The following ZSWIM6 variants were observed in gnomAD, a reference collection of about 807,000 sequenced individuals.
ZSWIM6 encodes the protein zinc finger SWIM domain-containing protein 6.
Under a neutral mutation model 113.2 loss-of-function variants are expected in ZSWIM6, and 9 were observed. That is an observed-to-expected ratio of 0.08 (90% CI 0.05 to 0.14). The LOEUF (loss-of-function observed/expected upper bound fraction) is 0.14, where lower values mean the gene tolerates loss of function less well. Ranked by LOEUF, ZSWIM6 falls within the 10% of genes least tolerant of loss-of-function variation. ZSWIM6 has a pLI of 1.00. For missense variants in ZSWIM6, 1,162 were observed against 1,552.2 expected (o/e 0.75, Z 4.22); for synonymous variants, 611 against 606.5 (o/e 1.01, Z -0.11).
intron 4 of ZSWIM6, among the ~76,000 whole-genome samples, chr5:61,500,579 A>G (rs1020005658): frequency 6.6e-6 from 1 of 152,078 alleles, no homozygotes; most frequent in Non-Finnish European, 1.5e-5. Context: ...AATCCTGACT[A>G]CCATAGTCCG....
At position 61,544,448 on chromosome 5, in the gene ZSWIM6, C is replaced by T. The variant is rs572378727; in HGVS notation, c.*131C>T. ...GTATTATATGTGTATAGTTATATTG[C>T]GTTTGCAGACTAAATTGTCATGTTG... On this transcript the variant is annotated 3_prime_UTR_variant, in exon 14 of 14. Coordinates refer to ENST00000252744, the MANE Select transcript of ZSWIM6 (RefSeq NM_020928.2). 3.2e-5 allele frequency: 15 copies of T among 462,550 alleles called. No homozygotes were observed. The highest frequency in any genetic ancestry group is 2.0e-4 in the South Asian group (3 of 15,348). 28.7% of individuals were successfully genotyped at this position (462,550 alleles called of 1,614,324 possible).
chr5:61,360,652 T>A (rs1417857200), intron 1 of ZSWIM6, among the ~76,000 whole-genome samples: 2 of 152,246 alleles, frequency 1.3e-5, no homozygotes, highest in East Asian at 1.9e-4. Context: ...TTTACTTATC[T>A]AGCACTTATT....
At chr5:61,494,154 A>C in intron 3 of ZSWIM6, 106 bp from the exon 4 acceptor site, 2 of 1,231,326 alleles carry the variant, frequency 1.6e-6, no homozygotes, top group Non-Finnish European at 2.3e-6. Context: ...ACGGAGAGAG[A>C]GAGAGAGAAA....
At chr5:61,398,492 A>G (rs1273885639) in intron 1 of ZSWIM6, among the ~76,000 whole-genome samples, 1 of 152,176 alleles carries the variant, frequency 6.6e-6, no homozygotes, top group African/African-American at 2.4e-5. Context: ...TCCTTGAGCA[A>G]CTAGCCAGGC....
rs533024397 is a variant in ZSWIM6, at chr5:61,516,925, T to C, written c.1334-4338T>C. On this transcript the variant is annotated intron_variant, in intron 4 of 13. Coordinates refer to ENST00000252744, the MANE Select transcript of ZSWIM6 (RefSeq NM_020928.2). ...TCCTGAATGATATTTTTGCTGGATA[T>C]AGAATTCTCATTGACATTTCAGTTT... Among the ~76,000 whole-genome samples the C allele has an allele frequency of 7.9e-5, 12 of 152,266 alleles. No individual in the cohort carries two copies. The South Asian group carries it at 2.3e-3, about 29-fold the overall frequency.
chr5:61,409,092 TTTC>T (rs758799953), intron 1 of ZSWIM6, among the ~76,000 whole-genome samples: 82 of 127,214 alleles, frequency 6.4e-4, no homozygotes, highest in African/African-American at 1.9e-3. Context: ...TTTTTTTTTT[TTTC>T]CCGTTTTTGA....
intron 1 of ZSWIM6, among the ~76,000 whole-genome samples, chr5:61,467,333 G>T (rs1366584431): frequency 6.6e-6 from 1 of 152,138 alleles, no homozygotes; most frequent in Admixed American, 6.5e-5. Context: ...TGAACAGGGT[G>T]ACATTGTTTT....
intron 11 of ZSWIM6, 138 bp downstream of exon 11, chr5:61,539,109 G>T: frequency 1.0e-6 from 1 of 997,034 alleles, no homozygotes; most frequent in Non-Finnish European, 1.4e-6. Context: ...TTAGATGTTA[G>T]CTTTTAAGGC....
At chr5:61,337,211 A>AG (rs1310723072) in intron 1 of ZSWIM6, among the ~76,000 whole-genome samples, 2 of 152,256 alleles carry the variant, frequency 1.3e-5, no homozygotes, top group African/African-American at 4.8e-5. Context: ...CCCGGGAAGC[A>AG]GATGTTACAG....
intron 1 of ZSWIM6, among the ~76,000 whole-genome samples, chr5:61,366,190 C>T (rs1212674662): frequency 6.6e-6 from 1 of 152,184 alleles, no homozygotes; most frequent in Non-Finnish European, 1.5e-5. Context: ...ACCACCACAC[C>T]CAGCCTAAGT....
At chr5:61,481,702 A>G (rs370004383) in intron 2 of ZSWIM6, among the ~76,000 whole-genome samples, 2 of 151,970 alleles carry the variant, frequency 1.3e-5, no homozygotes, top group East Asian at 3.9e-4. Flanking sequence ...AAAGACTTAG[A>G]TAGTGGTCCT....
At chr5:61,484,358 G>A (rs903883018) in intron 2 of ZSWIM6, among the ~76,000 whole-genome samples, 2 of 152,126 alleles carry the variant, frequency 1.3e-5, no homozygotes, top group East Asian at 1.9e-4. Context: ...GATGTTTTTC[G>A]AGATGGAAGA....
At chr5:61,418,681 A>C (rs890329622) in intron 1 of ZSWIM6, among the ~76,000 whole-genome samples, 1 of 152,202 alleles carries the variant, frequency 6.6e-6, no homozygotes, top group Non-Finnish European at 1.5e-5. Flanking sequence ...TGGATGTGGT[A>C]CTTTAAGGAC....
At chr5:61,460,432 C>A (rs1359197311) in intron 1 of ZSWIM6, among the ~76,000 whole-genome samples, 2 of 152,128 alleles carry the variant, frequency 1.3e-5, no homozygotes, top group Admixed American at 1.3e-4. Flanking sequence ...GCTTTTGAAT[C>A]TTCAAAAGGT....
chr5:61,507,830 G>A (rs1249027487), intron 4 of ZSWIM6, among the ~76,000 whole-genome samples: 1 of 152,062 alleles, frequency 6.6e-6, no homozygotes, highest in African/African-American at 2.4e-5. Flanking sequence ...TACATTATAT[G>A]CTGAAATATG....
chr5:61,406,993 G>A (rs989434691), intron 1 of ZSWIM6, among the ~76,000 whole-genome samples: 5 of 152,170 alleles, frequency 3.3e-5, no homozygotes, highest in South Asian at 2.1e-4. Context: ...GATTACAGGC[G>A]TGAGCCATTG....
At chr5:61,346,848 A>G (rs1744669103) in intron 1 of ZSWIM6, among the ~76,000 whole-genome samples, 2 of 152,228 alleles carry the variant, frequency 1.3e-5, no homozygotes, top group South Asian at 4.1e-4. Flanking sequence ...TTTTGCTTTC[A>G]ATAATGACTA....
chr5:61,466,520 A>G (rs1747439081), intron 1 of ZSWIM6, among the ~76,000 whole-genome samples: 1 of 152,186 alleles, frequency 6.6e-6, no homozygotes, highest in Non-Finnish European at 1.5e-5. Context: ...CTTCTGTTAA[A>G]TTCTTTTTCA....
At chr5:61,372,423 T>G (rs1269907812) in intron 1 of ZSWIM6, among the ~76,000 whole-genome samples, 1 of 152,182 alleles carries the variant, frequency 6.6e-6, no homozygotes, top group Non-Finnish European at 1.5e-5. Context: ...GTTGCTAAAT[T>G]CAGTGGGCTC....
Sources: allele counts gnomAD v4.1 joint callset (sites outside exome capture counted in the v4.1 genomes callset), GRCh38; gene constraint gnomAD v4.1.1; transcripts MANE v1.5; gene names NCBI Gene and HGNC (gene_info 2026-07-23, HGNC 2026-07-21).